Variants in TENM4 observed in about 807,000 individuals in gnomAD.
TENM4 encodes the protein teneurin-4.
TENM4 carries 82 observed loss-of-function variants against 243.3 expected under a neutral mutation model. That is an observed-to-expected ratio of 0.34 (90% CI 0.28 to 0.40). The LOEUF is 0.40. TENM4 is among the 10% of genes least tolerant of loss of function. TENM4 has a pLI of 1.00. For missense variants in TENM4, 3,138 were observed against 3,673.3 expected (o/e 0.85, Z 3.77); for synonymous variants, 1,412 against 1,456.3 (o/e 0.97, Z 0.69).
chr11:79,039,308 G>A (rs3910246), intron 6 of TENM4, among the ~76,000 whole-genome samples: 1 of 152,182 alleles, frequency 6.6e-6, no homozygotes, highest in Non-Finnish European at 1.5e-5. Context: ...GTGTTGTGGT[G>A]ATGGCAAAGT....
intron 6 of TENM4, among the ~76,000 whole-genome samples, chr11:78,985,766 C>T (rs1857903417): frequency 6.6e-6 from 1 of 152,008 alleles, no homozygotes; most frequent in East Asian, 1.9e-4. Context: ...TGCAGAAATG[C>T]TTAACCTGTC....
intron 10 of TENM4, among the ~76,000 whole-genome samples, chr11:78,857,181 C>G (rs533643): frequency 0.25 from 37,325 of 152,146 alleles, 5,054 homozygotes; most frequent in Middle Eastern, 0.35. Context: ...CCTTAGCACA[C>G]TGAAAGACCA....
intron 6 of TENM4, among the ~76,000 whole-genome samples, chr11:78,931,466 T>C (rs1856667836): frequency 6.6e-6 from 1 of 152,132 alleles, no homozygotes; most frequent in African/African-American, 2.4e-5. Context: ...AGAAAATAAG[T>C]GGTAGGTATA....
chr11:79,132,798 A>G (rs2137166479), intron 4 of TENM4, among the ~76,000 whole-genome samples: 1 of 152,316 alleles, frequency 6.6e-6, no homozygotes, highest in South Asian at 2.1e-4. Context: ...TTCGAACTTA[A>G]CGACAATAAT....
At chr11:79,408,707 C>T (rs1858624266) in intron 1 of TENM4, among the ~76,000 whole-genome samples, 1 of 152,136 alleles carries the variant, frequency 6.6e-6, no homozygotes, top group Non-Finnish European at 1.5e-5. Flanking sequence ...GATATTTCCT[C>T]CCAATAAGTT....
chr11:79,063,233 T>C (rs1267708032), intron 6 of TENM4, among the ~76,000 whole-genome samples: 2 of 152,156 alleles, frequency 1.3e-5, no homozygotes, highest in Non-Finnish European at 2.9e-5. Context: ...TGGGGATCAA[T>C]CTTGGTTTTG....
In TENM4 at chr11:78,891,272, C is replaced by T. The variant is rs770915750; in HGVS notation, c.814G>A (p.Gly272Ser). 17 of 1,551,576 alleles carry T rather than the reference C, an allele frequency of 1.1e-5. No individual in the cohort carries two copies. Among genetic ancestry groups the T allele is most frequent in the South Asian group, 1.2e-5 (1 of 84,054 alleles). The stretch of plus-strand genomic sequence containing the variant: ...TAAGCCCCATCATGGCGGGAGGCGC[C>T]GAGAATGTCCATCTCAATGAGGTTG... Reference protein sequence around the residue: ...QDNLIEMDILGASRHDGAYSD... With the variant: ...QDNLIEMDILSASRHDGAYSD... The change falls in exon 8 of 34, where the codon GGC becomes AGC. Residue 272 changes from glycine to serine, a missense_variant. By Grantham distance (56) the Gly-to-Ser change is moderately conservative. This residue lies in a region of TENM4 where 671 missense variants were observed against 614.1 expected (regional missense o/e 1.09). Coordinates refer to ENST00000278550, the MANE Select transcript of TENM4 (RefSeq NM_001098816.3).
At chr11:79,047,784 C>T (rs981906064) in intron 6 of TENM4, among the ~76,000 whole-genome samples, 3 of 151,882 alleles carry the variant, frequency 2.0e-5, no homozygotes, top group Non-Finnish European at 2.9e-5. Flanking sequence ...TGTTTGAGCC[C>T]CTATTTCTGT....
chr11:79,417,982 G>A (rs1370202662), intron 1 of TENM4, among the ~76,000 whole-genome samples: 1 of 152,172 alleles, frequency 6.6e-6, no homozygotes, highest in East Asian at 1.9e-4. Flanking sequence ...TGGCTGGGGT[G>A]CAGGCTTCAA....
intron 1 of TENM4, among the ~76,000 whole-genome samples, chr11:79,407,451 G>A (rs747966717): frequency 1.3e-5 from 2 of 152,106 alleles, no homozygotes; most frequent in Non-Finnish European, 2.9e-5. Flanking sequence ...AAGCACTTTC[G>A]CAGATCCTGA....
At chr11:79,124,729 G>T (rs538859311) in intron 4 of TENM4, among the ~76,000 whole-genome samples, 1 of 132,984 alleles carries the variant, frequency 7.5e-6, no homozygotes, top group Non-Finnish European at 1.6e-5. Flanking sequence ...TCTGTATTAG[G>T]GTTCTCTAGA....
At chr11:79,046,183 T>C (rs553157701) in intron 6 of TENM4, among the ~76,000 whole-genome samples, 6 of 152,210 alleles carry the variant, frequency 3.9e-5, no homozygotes, top group Non-Finnish European at 8.8e-5. Context: ...AGATTGTGTG[T>C]CCTGGCCCAG....
intron 3 of TENM4, among the ~76,000 whole-genome samples, chr11:79,171,987 C>T (rs141618596): frequency 7.9e-5 from 12 of 152,280 alleles, no homozygotes; most frequent in South Asian, 2.1e-4. Flanking sequence ...GGTCTTGCTC[C>T]GTTACTTAGG....
intron 1 of TENM4, among the ~76,000 whole-genome samples, chr11:79,415,216 T>C (rs961623775): frequency 6.6e-6 from 1 of 152,224 alleles, no homozygotes; most frequent in Admixed American, 6.5e-5. Context: ...TGAACAGAAC[T>C]GGGATCTGTG....
At chr11:78,941,664 C>T (rs1047115956) in intron 6 of TENM4, among the ~76,000 whole-genome samples, 1 of 152,062 alleles carries the variant, frequency 6.6e-6, no homozygotes, top group African/African-American at 2.4e-5. Flanking sequence ...GGAACAGGAA[C>T]CCCTTGGCTC....
intron 6 of TENM4, among the ~76,000 whole-genome samples, chr11:79,045,862 C>T (rs1442581339): frequency 1.3e-5 from 2 of 152,168 alleles, no homozygotes; most frequent in African/African-American, 2.4e-5. Flanking sequence ...CACTCCTTCA[C>T]TCCTGTGCAG....
intron 6 of TENM4, among the ~76,000 whole-genome samples, chr11:79,035,201 T>G (rs1335522064): frequency 6.6e-6 from 1 of 152,102 alleles, no homozygotes; most frequent in African/African-American, 2.4e-5. Context: ...TTCCTTGACC[T>G]CCCCAGCCTC....
chr11:79,421,879 G>C (rs1858939452), intron 1 of TENM4, among the ~76,000 whole-genome samples: 1 of 152,098 alleles, frequency 6.6e-6, no homozygotes, highest in African/African-American at 2.4e-5. Context: ...ATTCCCTCCT[G>C]TTGTCGGGGT....
chr11:79,122,647 G>C (rs752257943), intron 4 of TENM4, among the ~76,000 whole-genome samples: 1 of 152,102 alleles, frequency 6.6e-6, no homozygotes, highest in Non-Finnish European at 1.5e-5. Context: ...CTGTAAGCCA[G>C]GTTTGAAGCT....
Sources: gnomAD v4.1 joint callset for allele counts (sites outside exome capture counted in the v4.1 genomes callset) on GRCh38, gnomAD v4.1.1 for gene constraint, gnomAD v4.1.1 regional missense constraint, MANE v1.5 for transcripts, NCBI Gene and HGNC (gene_info 2026-07-23, HGNC 2026-07-21) for gene names.